The following IGFBP2 variants were observed in gnomAD, a reference collection of about 807,000 sequenced individuals.
The protein encoded by IGFBP2 is insulin-like growth factor-binding protein 2.
In IGFBP2, 12 loss-of-function variants were observed where a neutral mutation model predicts 26.2. The ratio of observed to expected loss-of-function variants is 0.46; its 90% confidence interval spans 0.29 to 0.74. IGFBP2 has a LOEUF of 0.74. Among genes scored for constraint, IGFBP2 ranks in the 30% least tolerant of loss-of-function variants. IGFBP2 has a pLI of 0.09. For synonymous variants in IGFBP2, 189 were observed against 200.6 expected, an observed-to-expected ratio of 0.94 and a Z score of 0.49; for missense variants, 328 against 441.2, an observed-to-expected ratio of 0.74 and a Z score of 2.30.
chr2:216,639,245 G>A (rs931256774), intron 1 of IGFBP2, among the ~76,000 whole-genome samples: 4 of 151,816 alleles, frequency 2.6e-5, no homozygotes, highest in Non-Finnish European at 5.9e-5. Context: ...ATGTTGGCCA[G>A]GTTGGTCTCA....
intron 1 of IGFBP2, among the ~76,000 whole-genome samples, chr2:216,638,803 C>T (rs1294991759): frequency 4.0e-5 from 6 of 151,228 alleles, no homozygotes; most frequent in Non-Finnish European, 8.8e-5. Context: ...GGGTTCACGC[C>T]ATTCTCCTGC....
At chr2:216,645,275 G>A (rs201243105) in intron 1 of IGFBP2, among the ~76,000 whole-genome samples, 1 of 152,314 alleles carries the variant, frequency 6.6e-6, no homozygotes, top group East Asian at 1.9e-4. Context: ...AGAGGCTTTT[G>A]CGGTTGAGTA....
intron 1 of IGFBP2, among the ~76,000 whole-genome samples, chr2:216,634,727 T>C (rs549211474): frequency 6.6e-6 from 1 of 152,052 alleles, no homozygotes; most frequent in African/African-American, 2.4e-5. Context: ...GGGCCCCAGA[T>C]CGAAAGGCAG....
chr2:216,639,570 TTTG>T (rs1201501455), intron 1 of IGFBP2, among the ~76,000 whole-genome samples: 3 of 151,332 alleles, frequency 2.0e-5, no homozygotes, highest in East Asian at 1.9e-4. Context: ...TTGTTTTTTT[TTTG>T]TTTGTTTTTT....
chr2:216,649,863 G>A (rs920346090), intron 1 of IGFBP2, among the ~76,000 whole-genome samples: 1 of 152,110 alleles, frequency 6.6e-6, no homozygotes, highest in Non-Finnish European at 1.5e-5. Context: ...CCCGAGATGA[G>A]ATGGCAGCAT....
In IGFBP2 at chr2:216,633,543, G is replaced by T; in HGVS notation, c.20G>T (p.Cys7Phe). The change falls in exon 1 of 4, where the codon TGC (cysteine) becomes TTC (phenylalanine). Residue 7 changes from cysteine (C) to phenylalanine (F), a missense_variant. Cys to Phe is a radical substitution (Grantham distance 205). Transcript: ENST00000233809. Reference protein sequence around the residue: MLPRVGCPALPLPPPPL... With the variant: MLPRVGFPALPLPPPPL... ...GCCAGCATGCTGCCGAGAGTGGGCT[G>T]CCCCGCGCTGCCGCTGCCGCCGCCG... is the stretch of plus-strand genomic sequence containing the variant. The T allele has an allele frequency of 1.1e-6, 1 of 918,956 alleles. No individual in the cohort carries two copies. Among genetic ancestry groups the T allele is most frequent in the Admixed American group, 5.6e-5 (1 of 17,738 alleles). 56.9% of individuals were successfully genotyped at this position (918,956 alleles called of 1,614,324 possible). A position where few individuals can be genotyped will look rare whatever the true frequency, so the allele number is the denominator to read the frequency against.
At chr2:216,662,123 CTG>C in intron 3 of IGFBP2, 125 bp downstream of exon 3, 1 of 1,111,498 alleles carries the variant, frequency 9.0e-7, no homozygotes, top group Non-Finnish European at 1.3e-6. Flanking sequence ...ACTCAGACTC[CTG>C]TCACCATGGG....
At chr2:216,661,744 A>G (rs1250049598) in intron 2 of IGFBP2, 114 bp from the exon 3 acceptor site, 1 of 1,227,510 alleles carries the variant, frequency 8.1e-7, no homozygotes, top group Non-Finnish European at 1.2e-6. Context: ...TGGCTGTGTG[A>G]CCATGGGAAA....
chr2:216,663,677 C>G (rs1688701465), intron 3 of IGFBP2: 1 of 376,304 alleles, frequency 2.7e-6, no homozygotes. Flanking sequence ...AATGGCCTTG[C>G]TAATCAGAGG....
chr2:216,645,203 G>C (rs1326382825), intron 1 of IGFBP2, among the ~76,000 whole-genome samples: 1 of 152,228 alleles, frequency 6.6e-6, no homozygotes, highest in Non-Finnish European at 1.5e-5. Context: ...TATAGCAACA[G>C]TGGTGGGAGG....
intron 1 of IGFBP2, among the ~76,000 whole-genome samples, chr2:216,638,784 C>T (rs951496831): frequency 4.6e-4 from 69 of 151,124 alleles, no homozygotes; most frequent in African/African-American, 1.6e-3. Context: ...ACTGCAAGCT[C>T]CGTCTCCTGG....
chr2:216,637,936 C>T (rs1381754076), intron 1 of IGFBP2, among the ~76,000 whole-genome samples: 1 of 152,198 alleles, frequency 6.6e-6, no homozygotes, highest in Non-Finnish European at 1.5e-5. Context: ...TGCCTGTAAT[C>T]CCAGCACTTT....
chr2:216,660,367 T>A (rs1257131268), intron 1 of IGFBP2, among the ~76,000 whole-genome samples, 190 bp from the exon 2 acceptor site: 4 of 152,192 alleles, frequency 2.6e-5, no homozygotes, highest in Non-Finnish European at 5.9e-5. Context: ...AGTACCCACC[T>A]AAGAGTTAGG....
intron 3 of IGFBP2, 118 bp downstream of exon 3, chr2:216,662,116 C>T (rs1688666172): frequency 8.5e-7 from 1 of 1,170,774 alleles, no homozygotes; most frequent in Non-Finnish European, 1.2e-6. Context: ...GTGAGAGACT[C>T]AGACTCCTGT....
At chr2:216,642,436 A>T (rs1697635296) in intron 1 of IGFBP2, among the ~76,000 whole-genome samples, 1 of 147,464 alleles carries the variant, frequency 6.8e-6, no homozygotes. Context: ...CCTCCCCAGC[A>T]GCTGGGACTA....
intron 3 of IGFBP2, 79 bp downstream of exon 3, chr2:216,662,077 C>A: frequency 6.7e-7 from 1 of 1,491,674 alleles, no homozygotes; most frequent in Non-Finnish European, 9.2e-7. Context: ...CTGCCCCACC[C>A]GCCTATGATC....
At chr2:216,650,312 C>T (rs1697794000) in intron 1 of IGFBP2, among the ~76,000 whole-genome samples, 1 of 152,194 alleles carries the variant, frequency 6.6e-6, no homozygotes, top group African/African-American at 2.4e-5. Context: ...GACACCTGCG[C>T]AAGTTGAACA....
In IGFBP2 at chr2:216,659,573, G is replaced by A. The variant is rs1362482745; in HGVS notation, c.443-984G>A. 7.4e-6 allele frequency: 5 copies of A among 679,460 alleles called. No individual in the cohort carries two copies. The African/African-American group carries it at 8.8e-5, about 12-fold the overall frequency. The allele number at this position is 679,460 out of a possible 1,614,324, so 42.1% of individuals were successfully genotyped here. On this transcript the variant is annotated intron_variant, in intron 1 of 3. Coordinates refer to ENST00000233809, the MANE Select transcript of IGFBP2 (RefSeq NM_000597.3). The stretch of plus-strand genomic sequence containing the variant: ...GGTTACAGCTCTGCCGTGCGATTCA[G>A]ATCCTCTCTGCCTCCTTTGGCTGGA...
At chr2:216,642,155 C>T (rs1244109827) in intron 1 of IGFBP2, among the ~76,000 whole-genome samples, 4 of 149,134 alleles carry the variant, frequency 2.7e-5, no homozygotes, top group Non-Finnish European at 5.9e-5. Context: ...CTTGCCACCA[C>T]GCCCAGCTAA....
Sources: allele counts gnomAD v4.1 joint callset (sites outside exome capture counted in the v4.1 genomes callset), GRCh38; gene constraint gnomAD v4.1.1; transcripts MANE v1.5; gene names NCBI Gene and HGNC (gene_info 2026-07-23, HGNC 2026-07-21).